The following MX1 variants were observed in gnomAD, a reference collection of about 807,000 sequenced individuals.
MX1 encodes interferon-induced GTP-binding protein Mx1.
A neutral mutation model predicts 66.4 loss-of-function variants in MX1; 66 were observed. The observed-to-expected ratio is 0.99, with a 90% CI of 0.82 to 1.22. MX1 has a LOEUF of 1.22. Ranked by LOEUF, MX1 falls within the 50% of genes most tolerant of loss-of-function variation. The pLI, the probability that MX1 is intolerant of heterozygous loss-of-function variation, is 0.00. For synonymous variants in MX1, 311 were observed against 318.1 expected (o/e 0.98, Z 0.24); for missense variants, 787 against 834.3 (o/e 0.94, Z 0.70).
chr21:41,444,612 A>G (rs948708699), intron 11 of MX1, among the ~76,000 whole-genome samples: 3 of 152,100 alleles, frequency 2.0e-5, no homozygotes, highest in Non-Finnish European at 2.9e-5. Flanking sequence ...ATGCGGGTGC[A>G]TAACAGGGTT....
At chr21:41,452,177 TCTC>T (rs973057601) in intron 15 of MX1, among the ~76,000 whole-genome samples, 2 of 152,134 alleles carry the variant, frequency 1.3e-5, no homozygotes, top group South Asian at 2.1e-4. Context: ...GGGTGAAGTT[TCTC>T]CTCCTCAGGT....
chr21:41,431,865 G>A (rs1328078127), intron 4 of MX1, 185 bp from the exon 5 acceptor site: 28 of 539,134 alleles, frequency 5.2e-5, no homozygotes, highest in Non-Finnish European at 7.6e-5. Context: ...TTCTCTTTCC[G>A]TGAATAAAAA....
intron 16 of MX1, among the ~76,000 whole-genome samples, chr21:41,456,521 C>T (rs2090963171): frequency 6.6e-6 from 1 of 152,166 alleles, no homozygotes; most frequent in African/African-American, 2.4e-5. Flanking sequence ...TGGTCTCCTT[C>T]ACTTAAAGTC....
rs919462565 is a variant in MX1, at chr21:41,431,914, G to T, written c.-21-136G>T. The T allele has an allele frequency of 7.7e-6, 5 of 653,018 alleles. No homozygotes were observed. The South Asian group carries it at 9.0e-5, about 12-fold the overall frequency. 40.5% of individuals were successfully genotyped at this position (653,018 alleles called of 1,614,324 possible). ...CACTGTGTCCCAGGCACTCTTCTAC[G>T]CTCTGGGGACATCACCATGAACAAC... On this transcript the variant is annotated intron_variant, in intron 4 of 16. Transcript: ENST00000398598.
chr21:41,449,539 A>C, intron 14 of MX1: 1 of 378,740 alleles, frequency 2.6e-6, no homozygotes, highest in Non-Finnish European at 4.7e-6. Context: ...CCCAACTACA[A>C]ATGCCGGTCA....
At chr21:41,436,947 T>C in intron 6 of MX1, 68 bp from the exon 7 acceptor site, 2 of 1,562,406 alleles carry the variant, frequency 1.3e-6, no homozygotes, top group Non-Finnish European at 1.7e-6. Context: ...TTGAGAACCA[T>C]GGGCCTAAGG....
chr21:41,446,156 C>T lies in MX1; in HGVS notation c.1273+15C>T, dbSNP rs765867279. On this transcript the variant is annotated intron_variant, in intron 13 of 16. Transcript: ENST00000398598. ...TTTTCAAGAAGGTGAGTGTCTTAGT[C>T]CCTTCTTTTGGGCTGCTACAACCGA... 6 of 1,609,152 alleles carry T rather than the reference C, an allele frequency of 3.7e-6. No individual in the cohort carries two copies. Among genetic ancestry groups the T allele is most frequent in the South Asian group, 1.1e-5 (1 of 90,590 alleles).
Position 41,441,055 on chromosome 21 carries a change from G to GTGAGAATGGGGGATCCCGCCTGTGCTCGA in MX1, c.730+43_730+44insTCCCGCCTGTGCTCGATGAGAATGGGGGA, listed in dbSNP as rs2090494792. On this transcript the variant is annotated intron_variant, in intron 9 of 16. Transcript: ENST00000398598. This position sits in a 1 kb window ranked among gnomAD's most constrained non-coding sequence, Gnocchi z 4.0. ...GAGTGGGGGAGCCCCACTGTGCTCA[G>GTGAGAATGGGGGATCCCGCCTGTGCTCGA]TGAGAATGGGGGAGCCCGCCTGTGC... 6.7e-7 allele frequency: 1 copy of GTGAGAATGGGGGATCCCGCCTGTGCTCGA among 1,503,666 alleles called. No homozygotes were observed. The highest frequency in any genetic ancestry group is 9.1e-7 in the Non-Finnish European group (1 of 1,097,496). 93.1% of individuals were successfully genotyped at this position (1,503,666 alleles called of 1,614,324 possible).
Position 41,439,838 on chromosome 21 carries a change from T to C in MX1, c.581T>C (p.Ile194Thr). 3 of 1,613,448 alleles carry C rather than the reference T, an allele frequency of 1.9e-6. No homozygotes were observed. Among genetic ancestry groups the C allele is most frequent in the South Asian group, 1.1e-5 (1 of 91,022 alleles). The change falls in exon 8 of 17, where the codon ATT becomes ACT. Residue 194 changes from isoleucine to threonine, a missense_variant. Physicochemically the swap from Ile to Thr is moderately conservative, Grantham distance 89. Transcript: ENST00000398598. ...RVAVGNQPAD[I>T]GYKIKTLIKK... ...GCTGTGGGCAATCAGCCTGCTGACA[T>C]TGGGTATAAGGTCAGACTTCAGACC... is the stretch of plus-strand genomic sequence containing the variant.
chr21:41,454,788 T>C (rs368968039), intron 16 of MX1, among the ~76,000 whole-genome samples: 1 of 152,270 alleles, frequency 6.6e-6, no homozygotes, highest in South Asian at 2.1e-4. Context: ...CCCATTGCCT[T>C]ACTATTTGGA....
upstream of MX1, chr21:41,426,087 C>G (rs34188463): frequency 1.2e-5 from 2 of 171,306 alleles, no homozygotes; most frequent in Admixed American, 6.4e-5. Flanking sequence ...CGCGAGTTCC[C>G]GCGAGGCAAG....
At position 41,449,121 on chromosome 21, in the gene MX1, T is replaced by C; in HGVS notation, c.1274-16T>C. 1.9e-6 allele frequency: 3 copies of C among 1,568,540 alleles called. No homozygotes were observed. Among genetic ancestry groups the C allele is most frequent in the Non-Finnish European group, 2.6e-6 (3 of 1,161,340 alleles). On this transcript the variant is annotated splice_polypyrimidine_tract_variant and intron_variant, in intron 13 of 16. Transcript: ENST00000398598. ...TTTTTGTAAAATAATTTAGAGGGTT[T>C]TTTTTCCTGCTATAGGCCATAAAAT... is the stretch of plus-strand genomic sequence containing the variant.
chr21:41,446,069 A>G lies in MX1; in HGVS notation c.1201A>G (p.Ile401Val), dbSNP rs757879441. Residue 401 changes from isoleucine to valine, a missense_variant, in exon 13 of 17, where the codon ATT (isoleucine) becomes GTT (valine). Coordinates refer to ENST00000398598, the MANE Select transcript of MX1 (RefSeq NM_002462.5). ...QGEETVGEED[I>V]RLFTRLRHEF... ...AGAGGAAACTGTAGGGGAGGAAGAC[A>G]TTCGGCTGTTTACCAGACTCCGACA... 2 of 1,614,220 alleles carry G rather than the reference A, an allele frequency of 1.2e-6. No individual in the cohort carries two copies. Among genetic ancestry groups the G allele is most frequent in the Non-Finnish European group, 1.7e-6 (2 of 1,180,030 alleles).
chr21:41,428,275 G>A (rs1421842306), intron 3 of MX1: 1 of 152,206 alleles, frequency 6.6e-6, no homozygotes, highest in African/African-American at 2.4e-5. Context: ...TTCCCAAAAG[G>A]TTTCAGGGTG....
rs2091024229 is a variant in MX1, at chr21:41,458,973, G to A, written c.*215G>A. On this transcript the variant is annotated 3_prime_UTR_variant, in exon 17 of 17. Coordinates refer to ENST00000398598, the MANE Select transcript of MX1 (RefSeq NM_002462.5). Reference sequence around the variant, plus strand: ...CCCTCAGATGCACATGAGCTGGCGGGATTGAAGGATGCTGTCTTCGTACTG... The same window carrying A: ...CCCTCAGATGCACATGAGCTGGCGGAATTGAAGGATGCTGTCTTCGTACTG... 2.5e-6 allele frequency: 2 copies of A among 805,066 alleles called. No individual in the cohort carries two copies. Among genetic ancestry groups the A allele is most frequent in the Non-Finnish European group, 3.8e-6 (2 of 530,690 alleles). 49.9% of individuals were successfully genotyped at this position (805,066 alleles called of 1,614,324 possible).
chr21:41,425,376 C>A (rs1273205948), upstream of MX1, among the ~76,000 whole-genome samples: 4 of 152,128 alleles, frequency 2.6e-5, no homozygotes, highest in South Asian at 4.1e-4. Flanking sequence ...TTACAAATAA[C>A]CTTCTTAAGG....
intron 10 of MX1, among the ~76,000 whole-genome samples, chr21:41,442,340 A>G (rs1211163435): frequency 6.6e-6 from 1 of 152,212 alleles, no homozygotes; most frequent in Non-Finnish European, 1.5e-5. Context: ...TTGAGTATCT[A>G]TTAGTGGTGT....
At chr21:41,449,549 A>T in intron 14 of MX1, 1 of 371,626 alleles carries the variant, frequency 2.7e-6, no homozygotes, top group Non-Finnish European at 4.8e-6. Context: ...AATGCCGGTC[A>T]CAAGTCCCAG....
chr21:41,451,114 G>T, intron 14 of MX1, 53 bp from the exon 15 acceptor site: 1 of 1,247,194 alleles, frequency 8.0e-7, no homozygotes. Context: ...TGCATCTTAA[G>T]AAGAGAACAA....
Sources: gnomAD v4.1 joint callset for allele counts (sites outside exome capture counted in the v4.1 genomes callset) on GRCh38, gnomAD v4.1.1 for gene constraint, Gnocchi (gnomAD v3.1) non-coding constraint, MANE v1.5 for transcripts, NCBI Gene and HGNC (gene_info 2026-07-23, HGNC 2026-07-21) for gene names.